Variants in TMEM116 observed in about 807,000 individuals in gnomAD.
TMEM116 encodes the protein transmembrane protein 116.
A neutral mutation model predicts 44.3 loss-of-function variants in TMEM116; 38 were observed. The ratio of observed to expected loss-of-function variants is 0.86; its 90% CI spans 0.66 to 1.12. TMEM116 has a LOEUF of 1.12. Among genes scored for constraint, TMEM116 ranks in the 50% most tolerant of loss-of-function variants. TMEM116 has a pLI of 0.00. For missense variants in TMEM116, 354 were observed against 401.7 expected (o/e 0.88, Z 1.01); for synonymous variants, 132 against 144.8 (o/e 0.91, Z 0.64).
At chr12:111,993,610 G>A in intron 3 of TMEM116, 1 of 547,582 alleles carries the variant, frequency 1.8e-6, no homozygotes, top group Non-Finnish European at 3.6e-6. Flanking sequence ...TAAGGAAGAA[G>A]GCCTAAAAAC....
At chr12:111,991,618 G>T in intron 4 of TMEM116, 140 bp downstream of exon 4, 1 of 794,156 alleles carries the variant, frequency 1.3e-6, no homozygotes. Context: ...TTTTTAATAT[G>T]AAAAAAGATA....
chr12:111,965,996 C>T (rs1289937689), intron 4 of TMEM116, among the ~76,000 whole-genome samples: 1 of 151,412 alleles, frequency 6.6e-6, no homozygotes, highest in Non-Finnish European at 1.5e-5. Context: ...AAAACATTCT[C>T]ATCCTCATTT....
intron 4 of TMEM116, among the ~76,000 whole-genome samples, chr12:111,976,355 C>T (rs1307852553): frequency 6.6e-6 from 1 of 151,620 alleles, no homozygotes; most frequent in East Asian, 1.9e-4. Context: ...TACAGCCCAG[C>T]TCCTGGTCAT....
chr12:111,942,146 C>A (rs1343702146), intron 5 of TMEM116, among the ~76,000 whole-genome samples: 1 of 152,032 alleles, frequency 6.6e-6, no homozygotes, highest in Non-Finnish European at 1.5e-5. Flanking sequence ...CCATATTAGT[C>A]AGGCTGGTCT....
intron 2 of TMEM116, among the ~76,000 whole-genome samples, chr12:112,004,542 C>T (rs2077471780): frequency 6.6e-6 from 1 of 152,228 alleles, no homozygotes; most frequent in Admixed American, 6.5e-5. Context: ...CTGCCTTGGC[C>T]TCCCAAAATG....
At chr12:111,945,073 T>TAAAAAA (rs1231486290) in intron 4 of TMEM116, among the ~76,000 whole-genome samples, 4 of 56,634 alleles carry the variant, frequency 7.1e-5, no homozygotes, top group South Asian at 5.9e-4. Context: ...AGACTCCATC[T>TAAAAAA]AAAAAAAAAA....
chr12:111,997,763 T>C (rs1364741974), intron 3 of TMEM116, among the ~76,000 whole-genome samples: 1 of 152,206 alleles, frequency 6.6e-6, no homozygotes, highest in African/African-American at 2.4e-5. Context: ...TAGGGTTAGA[T>C]GGTCAAGTTG....
intron 1 of TMEM116, among the ~76,000 whole-genome samples, chr12:112,009,486 T>C (rs2077737739): frequency 6.6e-6 from 1 of 151,364 alleles, no homozygotes; most frequent in South Asian, 2.1e-4. Context: ...AAAGATGTGT[T>C]TGCAAACAAT....
chr12:111,994,032 C>T (rs750832648), intron 3 of TMEM116, among the ~76,000 whole-genome samples: 1 of 152,170 alleles, frequency 6.6e-6, no homozygotes, highest in Non-Finnish European at 1.5e-5. Context: ...GCCAGAATCT[C>T]TGAAGAAGCA....
chr12:111,994,899 T>C (rs1435882154), intron 3 of TMEM116, among the ~76,000 whole-genome samples: 1 of 152,178 alleles, frequency 6.6e-6, no homozygotes, highest in Non-Finnish European at 1.5e-5. Flanking sequence ...CTTATCCATA[T>C]GAACAAGCGC....
intron 4 of TMEM116, among the ~76,000 whole-genome samples, chr12:111,949,368 CATTGCTTATATA>C (rs1335457514): frequency 6.6e-6 from 1 of 152,054 alleles, no homozygotes. Flanking sequence ...CAATTTAAAA[CATTGCTTATATA>C]TATTAGCAAG....
At chr12:111,957,220 G>A (rs1344109564) in intron 4 of TMEM116, among the ~76,000 whole-genome samples, 2 of 151,280 alleles carry the variant, frequency 1.3e-5, no homozygotes, top group Non-Finnish European at 3.0e-5. Context: ...CTGGGATGTG[G>A]GGAGCACCTC....
chr12:111,953,053 T>C (rs114032006), intron 4 of TMEM116, among the ~76,000 whole-genome samples: 1,892 of 152,270 alleles, frequency 0.012, 44 homozygotes, highest in African/African-American at 0.044. Context: ...TTTAACTTTG[T>C]ACCTATTACT....
In TMEM116 at chr12:111,985,589, T is replaced by C. The variant is rs1593538695; in HGVS notation, c.210+6169A>G. ...GTTCATGGATTGGAAGACTTACTAT[T>C]ATAGTTTTTTGTTTTTTTGAGACAA... On this transcript the variant is annotated intron_variant, in intron 4 of 10. Transcript: ENST00000552374. 1.3e-5 allele frequency among the ~76,000 whole-genome samples: 2 copies of C among 152,234 alleles called. 1 individual carries two copies. Among genetic ancestry groups the C allele is most frequent in the East Asian group, 3.9e-4 (2 of 5,186 alleles).
intron 4 of TMEM116, among the ~76,000 whole-genome samples, chr12:111,972,079 A>G (rs2075373816): frequency 1.3e-5 from 2 of 148,546 alleles, no homozygotes; most frequent in Admixed American, 1.3e-4. Context: ...TATCTGTGAA[A>G]AAAAAAAAAA....
chr12:111,972,138 A>C (rs1394041224), intron 4 of TMEM116, among the ~76,000 whole-genome samples: 1 of 151,480 alleles, frequency 6.6e-6, no homozygotes, highest in Admixed American at 6.6e-5. Context: ...CTTCCTCTGA[A>C]GCAGGCTAGA....
At chr12:111,954,472 C>T (rs1283902048) in intron 4 of TMEM116, among the ~76,000 whole-genome samples, 1 of 152,198 alleles carries the variant, frequency 6.6e-6, no homozygotes, top group East Asian at 1.9e-4. Context: ...ATAGTTTATA[C>T]TAATCAAGGG....
At chr12:111,940,523 G>GTGTGTATATATATATATA (rs1452904726) in intron 5 of TMEM116, among the ~76,000 whole-genome samples, 1 of 104,952 alleles carries the variant, frequency 9.5e-6, no homozygotes, top group East Asian at 6.6e-4. Context: ...ATATATATGT[G>GTGTGTATATATATATATA]TATATATATA....
chr12:111,984,489 G>A (rs1042341154), intron 4 of TMEM116, among the ~76,000 whole-genome samples: 1 of 151,816 alleles, frequency 6.6e-6, no homozygotes, highest in Admixed American at 6.6e-5. Flanking sequence ...ATAGTAATGG[G>A]TACAAAAAAT....
Sources: allele counts gnomAD v4.1 joint callset (sites outside exome capture counted in the v4.1 genomes callset), GRCh38; gene constraint gnomAD v4.1.1; transcripts MANE v1.5; gene names NCBI Gene and HGNC (gene_info 2026-07-23, HGNC 2026-07-21).